SLC1A1: variants seen among roughly 807,000 people sequenced by gnomAD.
SLC1A1 encodes excitatory amino acid transporter 3.
In SLC1A1, 43 loss-of-function variants were observed where a neutral mutation model predicts 53.3. That is an observed-to-expected ratio of 0.81 (90% CI 0.63 to 1.04). SLC1A1 has a LOEUF of 1.04. Among genes scored for constraint, SLC1A1 ranks in the 50% least tolerant of loss-of-function variants. The pLI is 0.00. For synonymous variants in SLC1A1, 307 were observed against 243.2 expected, an observed-to-expected ratio of 1.26 and a Z score of -2.44; for missense variants, 748 against 664.9, an observed-to-expected ratio of 1.12 and a Z score of -1.37.
intron 2 of SLC1A1, among the ~76,000 whole-genome samples, chr9:4,554,556 C>T (rs1357588333): frequency 6.6e-6 from 1 of 152,134 alleles, no homozygotes; most frequent in Non-Finnish European, 1.5e-5. Context: ...AGGAAGAGCA[C>T]TCCAGGCAGA....
chr9:4,575,871 A>C (rs1284707134), intron 8 of SLC1A1, 130 bp from the exon 9 acceptor site: 5 of 974,060 alleles, frequency 5.1e-6, no homozygotes, highest in Non-Finnish European at 8.0e-6. Context: ...TTCCTGCCCT[A>C]CTCCCATTTC....
intron 9 of SLC1A1, 58 bp downstream of exon 9, chr9:4,576,181 C>G: frequency 6.4e-7 from 1 of 1,551,960 alleles, no homozygotes; most frequent in South Asian, 1.1e-5. Context: ...TCAACTCTCA[C>G]CTCACTTTAC....
intron 2 of SLC1A1, chr9:4,553,753 C>T (rs1818138638): frequency 1.3e-5 from 2 of 152,218 alleles, no homozygotes; most frequent in Admixed American, 6.5e-5. Context: ...TGATTCTGCT[C>T]AAGGACCAGT....
rs571383803 is a variant in SLC1A1 at position 4,538,694 on chromosome 9, C to T, written c.92-5873C>T. On this transcript the variant is annotated intron_variant, in intron 1 of 11. Coordinates refer to ENST00000262352, the MANE Select transcript of SLC1A1 (RefSeq NM_004170.6). ...AGGATTTGAAAATAAAAAATAAAAGCTTTATGGACTCCAGCATCTGTGCTT... is the reference window on the plus strand; with the variant it reads ...AGGATTTGAAAATAAAAAATAAAAGTTTTATGGACTCCAGCATCTGTGCTT... 2.0e-5 allele frequency among the ~76,000 whole-genome samples: 3 copies of T among 152,164 alleles called. No individual in the cohort carries two copies. In the South Asian group the frequency reaches 6.2e-4, roughly 32 times the overall value.
intron 1 of SLC1A1, among the ~76,000 whole-genome samples, chr9:4,505,213 A>AT (rs1371142919): frequency 1.3e-5 from 2 of 151,534 alleles, no homozygotes; most frequent in East Asian, 3.9e-4. Context: ...TGCCTAGCTA[A>AT]TTTTTTTGTA....
chr9:4,574,773 A>C (rs1038674429), intron 8 of SLC1A1, among the ~76,000 whole-genome samples: 1 of 152,222 alleles, frequency 6.6e-6, no homozygotes, highest in Admixed American at 6.5e-5. Context: ...GACTCTCACA[A>C]GTCAATACCT....
At position 4,586,793 on chromosome 9, in the gene SLC1A1, CAT is replaced by C. The variant is rs1821601766; in HGVS notation, c.*1237_*1238del. 1 of 152,200 alleles carries C rather than the reference CAT, an allele frequency of 6.6e-6. No homozygotes were observed. The highest frequency in any genetic ancestry group is 2.4e-5 in the African/African-American group (1 of 41,450). 9.4% of individuals were successfully genotyped at this position (152,200 alleles called of 1,614,324 possible). A position where few individuals can be genotyped will look rare whatever the true frequency, so the allele number is the denominator to read the frequency against. The stretch of plus-strand genomic sequence containing the variant: ...GGTTGTTGCAGAGTAAATCCCACGA[CAT>C]AAGCTGGTATCAGTGGTTCGGGGGA... On this transcript the variant is annotated 3_prime_UTR_variant, in exon 12 of 12. Transcript: ENST00000262352.
intron 1 of SLC1A1, among the ~76,000 whole-genome samples, chr9:4,540,633 C>T (rs917985669): frequency 6.6e-6 from 1 of 152,208 alleles, no homozygotes; most frequent in Non-Finnish European, 1.5e-5. Context: ...CCTGTACCTG[C>T]TCACCTGTGG....
intron 2 of SLC1A1, among the ~76,000 whole-genome samples, chr9:4,548,511 G>GA (rs1211533386): frequency 2.0e-5 from 3 of 150,906 alleles, no homozygotes; most frequent in East Asian, 1.9e-4. Context: ...TTAACAGGTA[G>GA]AAAAAAAAAT....
intron 6 of SLC1A1, among the ~76,000 whole-genome samples, chr9:4,570,930 G>T (rs1213507248): frequency 6.6e-6 from 1 of 150,634 alleles, no homozygotes; most frequent in Non-Finnish European, 1.5e-5. Flanking sequence ...AAAAAAAAAA[G>T]GTAAAAACAT....
chr9:4,545,187 A>ATATCTC (rs1817369905), intron 2 of SLC1A1, among the ~76,000 whole-genome samples: 1 of 48,996 alleles, frequency 2.0e-5, no homozygotes, highest in Non-Finnish European at 5.1e-5. Flanking sequence ...AATACATTAG[A>ATATCTC]TGTCTCTCTC....
chr9:4,565,717 C>T (rs1819421127), intron 4 of SLC1A1, among the ~76,000 whole-genome samples: 1 of 152,120 alleles, frequency 6.6e-6, no homozygotes, highest in Non-Finnish European at 1.5e-5. Flanking sequence ...TATCAGTAAG[C>T]ATACAACCTC....
At position 4,537,584 on chromosome 9, in the gene SLC1A1, A is replaced by T. The variant is rs1288148137; in HGVS notation, c.92-6983A>T. On this transcript the variant is annotated intron_variant, in intron 1 of 11. Coordinates refer to ENST00000262352, the MANE Select transcript of SLC1A1 (RefSeq NM_004170.6). ...CCGTCTCAAAAAAATAAAATAAAAT[A>T]AAATAAAATAAAATAAAAAAAAAAA... 9.4e-5 allele frequency among the ~76,000 whole-genome samples: 3 copies of T among 31,908 alleles called. 1 individual carries two copies. The highest frequency in any genetic ancestry group is 9.1e-4 in the East Asian group (3 of 3,284). The allele number at this position is 31,908 out of a possible 152,430, so 20.9% of individuals were successfully genotyped here.
intron 1 of SLC1A1, among the ~76,000 whole-genome samples, chr9:4,494,682 T>C (rs1820354616): frequency 6.6e-6 from 1 of 151,604 alleles, no homozygotes; most frequent in South Asian, 2.1e-4. Context: ...TTTAAGTATG[T>C]AAATTCTGAA....
intron 1 of SLC1A1, among the ~76,000 whole-genome samples, chr9:4,498,479 T>C (rs572501803): frequency 3.0e-4 from 46 of 152,260 alleles, no homozygotes; most frequent in Non-Finnish European, 4.6e-4. Context: ...AGGAATAGCC[T>C]AGTTCCTATA....
At chr9:4,566,610 G>A (rs1344973605) in intron 5 of SLC1A1, among the ~76,000 whole-genome samples, 3 of 152,096 alleles carry the variant, frequency 2.0e-5, no homozygotes, top group Non-Finnish European at 2.9e-5. Flanking sequence ...CACTTTGGGA[G>A]GCCAAGGTGG....
chr9:4,550,894 T>C (rs1051095211), intron 2 of SLC1A1, among the ~76,000 whole-genome samples: 5 of 152,166 alleles, frequency 3.3e-5, no homozygotes, highest in Admixed American at 6.5e-5. Context: ...CTGTTTGTCA[T>C]GGGAAAGCAG....
At chr9:4,506,592 G>GT (rs1820818543) in intron 1 of SLC1A1, among the ~76,000 whole-genome samples, 1 of 151,200 alleles carries the variant, frequency 6.6e-6, no homozygotes, top group African/African-American at 2.4e-5. Context: ...AGAAATCTAC[G>GT]TCTACTTTTG....
Position 4,585,520 on chromosome 9 carries a change from T to C in SLC1A1, c.1537T>C (p.Ser513Pro), listed in dbSNP as rs564172104. 16 of 1,614,026 alleles carry C rather than the reference T, an allele frequency of 9.9e-6. No homozygotes were observed. Among genetic ancestry groups the C allele is most frequent in the Non-Finnish European group, 1.4e-5 (16 of 1,180,032 alleles). Reference protein sequence around the residue: ...YVNGGFAVDKSDTISFTQTSQ... With the variant: ...YVNGGFAVDKPDTISFTQTSQ... Reference sequence around the variant, plus strand: ...CAATGGAGGCTTTGCAGTAGACAAGTCTGACACCATCTCATTCACCCAGAC... The same window carrying C: ...CAATGGAGGCTTTGCAGTAGACAAGCCTGACACCATCTCATTCACCCAGAC... Residue 513 changes from serine (S) to proline (P), a missense_variant, in exon 12 of 12, where the codon TCT (serine) becomes CCT (proline). Ser to Pro is a moderately conservative substitution (Grantham distance 74, BLOSUM62 -1). Coordinates refer to ENST00000262352, the MANE Select transcript of SLC1A1 (RefSeq NM_004170.6).
Sources: gnomAD v4.1 joint callset for allele counts (sites outside exome capture counted in the v4.1 genomes callset) on GRCh38, gnomAD v4.1.1 for gene constraint, MANE v1.5 for transcripts, NCBI Gene and HGNC (gene_info 2026-07-23, HGNC 2026-07-21) for gene names.